The following AOAH variants were observed in gnomAD, a reference collection of about 807,000 sequenced individuals.
AOAH encodes acyloxyacyl hydrolase (neutrophil).
In AOAH, 64 loss-of-function variants were observed where a neutral mutation model predicts 92.2. The ratio of observed to expected loss-of-function variants is 0.69; its 90% CI spans 0.57 to 0.86. The LOEUF (loss-of-function observed/expected upper bound fraction) is 0.86. Among genes scored for constraint, AOAH ranks in the 40% least tolerant of loss-of-function variants. The pLI, the probability that AOAH is intolerant of heterozygous loss-of-function variation, is 0.00. For missense variants in AOAH, 656 were observed against 694.6 expected, an observed-to-expected ratio of 0.94 and a Z score of 0.62; for synonymous variants, 263 against 254.5, an observed-to-expected ratio of 1.03 and a Z score of -0.32.
At chr7:36,634,372 CTG>C (rs2116270804) in intron 5 of AOAH, among the ~76,000 whole-genome samples, 1 of 152,284 alleles carries the variant, frequency 6.6e-6, no homozygotes, top group African/African-American at 2.4e-5. Context: ...TAGAAAAACA[CTG>C]TGAAAATCCC....
Position 36,576,628 on chromosome 7 carries a change from A to T in AOAH, c.967T>A (p.Leu323Ile). Residue 323 changes from leucine (L) to isoleucine (I), a missense_variant, in exon 13 of 21, where the codon TTA becomes ATA. Physicochemically the swap from Leu to Ile is conservative, Grantham distance 5. Transcript: ENST00000617537. ...TGATTACAGTGGTTTCTTTTCCATA[A>T]GCGAAGGTAAATAGATTTTTCTTTA... Reference protein sequence around the residue: ...GIKEKSIYLRLWKRNHCNHRD... With the variant: ...GIKEKSIYLRIWKRNHCNHRD... 6.3e-7 allele frequency: 1 copy of T among 1,577,716 alleles called. No homozygotes were observed. The highest frequency in any genetic ancestry group is 8.7e-7 in the Non-Finnish European group (1 of 1,155,062).
chr7:36,615,155 C>G (rs1378345772), intron 11 of AOAH, among the ~76,000 whole-genome samples: 1 of 152,176 alleles, frequency 6.6e-6, no homozygotes, highest in East Asian at 1.9e-4. Flanking sequence ...GGACAAGCTA[C>G]TACATAAGAA....
chr7:36,692,060 C>T (rs1797434417), intron 1 of AOAH, among the ~76,000 whole-genome samples: 1 of 152,142 alleles, frequency 6.6e-6, no homozygotes, highest in South Asian at 2.1e-4. Flanking sequence ...TCCAACTGTG[C>T]CCAGCTCACA....
At chr7:36,626,134 T>C (rs1216386605) in intron 6 of AOAH, among the ~76,000 whole-genome samples, 2 of 151,032 alleles carry the variant, frequency 1.3e-5, no homozygotes, top group Non-Finnish European at 3.0e-5. Context: ...AAAAGGAAGA[T>C]AAAGAAAGAG....
chr7:36,587,490 C>T (rs79273192), intron 12 of AOAH, among the ~76,000 whole-genome samples: 10,563 of 152,056 alleles, frequency 0.069, 471 homozygotes, highest in South Asian at 0.11. Context: ...TACCTTGTTA[C>T]GTTAAAATGC....
chr7:36,534,457 T>C (rs935181441), intron 16 of AOAH, among the ~76,000 whole-genome samples: 1 of 152,228 alleles, frequency 6.6e-6, no homozygotes, highest in Non-Finnish European at 1.5e-5. Flanking sequence ...AATGAATCAG[T>C]GTCCCTCCTG....
chr7:36,689,706 G>C (rs372144465), intron 1 of AOAH, among the ~76,000 whole-genome samples: 6 of 152,130 alleles, frequency 3.9e-5, no homozygotes, highest in Non-Finnish European at 7.4e-5. Context: ...ACTCCCAAGA[G>C]AGAAAAAAGA....
chr7:36,681,333 T>G lies in AOAH; in HGVS notation c.223+5366A>C, dbSNP rs116299507. Among the ~76,000 whole-genome samples the G allele has an allele frequency of 5.9e-3, 892 of 152,180 alleles. 8 individuals are homozygous for G. The highest frequency in any genetic ancestry group is 0.021 in the African/African-American group (865 of 41,522). ...ATATAGAACTTATATGGTAAAGAAG[T>G]ATAGAGTAATTAAGAGACTTGACCT... On this transcript the variant is annotated intron_variant, in intron 2 of 20. Transcript: ENST00000617537.
intron 4 of AOAH, among the ~76,000 whole-genome samples, chr7:36,655,735 G>A (rs4723552): frequency 0.3 from 45,866 of 151,918 alleles, 7,281 homozygotes; most frequent in South Asian, 0.44. Flanking sequence ...CACTTTACCC[G>A]TTCATTGCGT....
intron 13 of AOAH, among the ~76,000 whole-genome samples, chr7:36,560,481 A>AT (rs1787181791): frequency 6.6e-6 from 1 of 151,662 alleles, no homozygotes; most frequent in Non-Finnish European, 1.5e-5. Flanking sequence ...TAGGTATTTT[A>AT]TTTTCTTGGG....
chr7:36,513,012 C>G lies in AOAH; in HGVS notation c.*240G>C. On this transcript the variant is annotated 3_prime_UTR_variant, in exon 21 of 21. Transcript: ENST00000617537. Reference sequence around the variant, plus strand: ...GATACTCTCTTGTTTGGAATGGCACCCAAAGCACTTTATGAAAGGTTATTT... The same window carrying G: ...GATACTCTCTTGTTTGGAATGGCACGCAAAGCACTTTATGAAAGGTTATTT... The G allele has an allele frequency of 6.6e-7, 1 of 1,523,656 alleles. No individual in the cohort carries two copies. The highest frequency in any genetic ancestry group is 8.8e-7 in the Non-Finnish European group (1 of 1,137,114). The allele number at this position is 1,523,656 out of a possible 1,614,324, so 94.4% of individuals were successfully genotyped here. A position where few individuals can be genotyped will look rare whatever the true frequency, so the allele number is the denominator to read the frequency against.
intron 6 of AOAH, among the ~76,000 whole-genome samples, chr7:36,628,548 C>T (rs1792838910): frequency 6.6e-6 from 1 of 152,052 alleles, no homozygotes; most frequent in African/African-American, 2.4e-5. Flanking sequence ...AGCAAGGAAG[C>T]AGGGATTGAA....
Position 36,516,674 on chromosome 7 carries a change from A to G in AOAH, c.1600-3294T>C, listed in dbSNP as rs1783737973. On this transcript the variant is annotated intron_variant, in intron 20 of 20. Transcript: ENST00000617537. This position sits in a 1 kb window ranked among gnomAD's most constrained non-coding sequence, Gnocchi z 5.0. ...GCTGTTTTCCTGCCATTTCTCAACA[A>G]AGGAGGCTGCTGCCAGGTCTGTGGA... Among the ~76,000 whole-genome samples the G allele has an allele frequency of 6.6e-6, 1 of 151,922 alleles. No homozygotes were observed. Among genetic ancestry groups the G allele is most frequent in the Non-Finnish European group, 1.5e-5 (1 of 67,980 alleles).
chr7:36,516,268 C>T lies in AOAH; in HGVS notation c.1600-2888G>A, dbSNP rs1318564932. Among the ~76,000 whole-genome samples, 1 of 150,324 alleles carries T rather than the reference C, an allele frequency of 6.7e-6. No individual in the cohort carries two copies. Among genetic ancestry groups the T allele is most frequent in the Admixed American group, 6.6e-5 (1 of 15,088 alleles). Reference sequence around the variant, plus strand: ...CAGATACCACCACATGCACACTCACCACATACACATATAACATACACACAC... The same window carrying T: ...CAGATACCACCACATGCACACTCACTACATACACATATAACATACACACAC... On this transcript the variant is annotated intron_variant, in intron 20 of 20. Coordinates refer to ENST00000617537, the MANE Select transcript of AOAH (RefSeq NM_001637.4). This position sits in a 1 kb window ranked among gnomAD's most constrained non-coding sequence, Gnocchi z 5.0.
intron 1 of AOAH, among the ~76,000 whole-genome samples, chr7:36,721,318 T>G (rs1343030692): frequency 1.3e-5 from 2 of 152,168 alleles, no homozygotes; most frequent in Admixed American, 6.5e-5. Context: ...TCAGTGGGAC[T>G]TCTTTTATGG....
intron 20 of AOAH, among the ~76,000 whole-genome samples, chr7:36,518,113 T>C (rs567242846): frequency 6.6e-6 from 1 of 152,340 alleles, no homozygotes; most frequent in East Asian, 1.9e-4. Flanking sequence ...TCATTGCTCC[T>C]ATGGTCTGTA....
chr7:36,660,884 T>C (rs977570215), intron 3 of AOAH, among the ~76,000 whole-genome samples: 1 of 152,228 alleles, frequency 6.6e-6, no homozygotes, highest in South Asian at 2.1e-4. Context: ...AAAACTCTAC[T>C]TATATACTTC....
intron 1 of AOAH, among the ~76,000 whole-genome samples, chr7:36,717,130 A>G (rs183919286): frequency 1.7e-4 from 26 of 152,276 alleles, no homozygotes; most frequent in African/African-American, 4.6e-4. Flanking sequence ...CACAGCTTCA[A>G]TCTGCTTTGG....
intron 16 of AOAH, 43 bp from the exon 17 acceptor site, chr7:36,532,387 T>TA (rs764551689): frequency 5.6e-6 from 9 of 1,595,894 alleles, no homozygotes; most frequent in Non-Finnish European, 7.7e-6. Context: ...CACTCGGCAA[T>TA]AGCAGCATTT....
Sources: allele counts gnomAD v4.1 joint callset (sites outside exome capture counted in the v4.1 genomes callset), GRCh38; gene constraint gnomAD v4.1.1; non-coding constraint Gnocchi (gnomAD v3.1); transcripts MANE v1.5; gene names NCBI Gene and HGNC (gene_info 2026-07-23, HGNC 2026-07-21).